Variants in SZRD1 observed in about 807,000 individuals in gnomAD.
The protein encoded by SZRD1 is SUZ RNA binding domain containing 1.
In SZRD1, 7 loss-of-function variants were observed where a neutral mutation model predicts 17.6. The ratio of observed to expected loss-of-function variants is 0.40; its 90% confidence interval spans 0.23 to 0.75. SZRD1 has a LOEUF of 0.75. Among genes scored for constraint, SZRD1 ranks in the 30% least tolerant of loss-of-function variants. SZRD1 has a pLI of 0.38. For synonymous variants in SZRD1, 77 were observed against 77.9 expected (o/e 0.99, Z 0.06); for missense variants, 178 against 201.8 (o/e 0.88, Z 0.71).
intron 1 of SZRD1, among the ~76,000 whole-genome samples, chr1:16,377,114 G>A (rs2083016950): frequency 6.6e-6 from 1 of 152,054 alleles, no homozygotes; most frequent in African/African-American, 2.4e-5. Context: ...TAGCCATTTG[G>A]GCTTGGAGGC....
chr1:16,395,416 G>A lies in SZRD1; in HGVS notation c.*276G>A. On this transcript the variant is annotated 3_prime_UTR_variant, in exon 4 of 4. Transcript: ENST00000401088. The stretch of plus-strand genomic sequence containing the variant: ...GTGGGGGTTAGGGGAAGGTTGGGGG[G>A]ACCCAGCAAGGACTCAGAGAGTCAG... 4.4e-6 allele frequency: 2 copies of A among 456,550 alleles called. No individual in the cohort carries two copies. Among genetic ancestry groups the A allele is most frequent in the Non-Finnish European group, 8.1e-6 (2 of 246,170 alleles). 28.3% of individuals were successfully genotyped at this position (456,550 alleles called of 1,614,324 possible).
intron 1 of SZRD1, among the ~76,000 whole-genome samples, chr1:16,388,025 T>C (rs1400722654): frequency 1.3e-5 from 2 of 152,204 alleles, no homozygotes; most frequent in African/African-American, 4.8e-5. Context: ...TGGCACCAAC[T>C]GTGTTCCAAG....
chr1:16,395,195 C>T lies in SZRD1; in HGVS notation c.*55C>T, dbSNP rs746487796. 8.2e-5 allele frequency: 107 copies of T among 1,308,368 alleles called. No homozygotes were observed. The highest frequency in any genetic ancestry group is 1.1e-4 in the Non-Finnish European group (101 of 903,942). The allele number at this position is 1,308,368 out of a possible 1,614,324, so 81.0% of individuals were successfully genotyped here. On this transcript the variant is annotated 3_prime_UTR_variant, in exon 4 of 4. Coordinates refer to ENST00000401088, the MANE Select transcript of SZRD1 (RefSeq NM_001114600.3). ...TGCCGTCACCGCCTCCTGGGTCGTC[C>T]GCCACGGGTTGCACTGCCGTGGCAG...
rs1327916950 is a variant in SZRD1 at position 16,391,436 on chromosome 1, G to A, written c.101+12G>A. ...ACACAAAAAGAGAGGTAAGGCTGCTGTCTGGTCTGAGGGCTCATGCTCTCT... is the reference window on the plus strand; with the variant it reads ...ACACAAAAAGAGAGGTAAGGCTGCTATCTGGTCTGAGGGCTCATGCTCTCT... On this transcript the variant is annotated intron_variant, in intron 2 of 3. Coordinates refer to ENST00000401088, the MANE Select transcript of SZRD1 (RefSeq NM_001114600.3). This position sits in a 1 kb window ranked among gnomAD's most constrained non-coding sequence, Gnocchi z 4.3. 6.5e-7 allele frequency: 1 copy of A among 1,548,206 alleles called. No homozygotes were observed. Among genetic ancestry groups the A allele is most frequent in the East Asian group, 2.4e-5 (1 of 40,894 alleles).
intron 1 of SZRD1, among the ~76,000 whole-genome samples, chr1:16,373,823 G>A (rs537600901): frequency 1.3e-5 from 2 of 152,010 alleles, no homozygotes; most frequent in Non-Finnish European, 2.9e-5. Context: ...TGTTGGTCTC[G>A]AATGCCTGAA....
At chr1:16,375,089 G>C (rs2082977154) in intron 1 of SZRD1, among the ~76,000 whole-genome samples, 1 of 151,984 alleles carries the variant, frequency 6.6e-6, no homozygotes, top group South Asian at 2.1e-4. Flanking sequence ...TGTTGGCTAG[G>C]CCGGTCTCAA....
intron 1 of SZRD1, among the ~76,000 whole-genome samples, chr1:16,370,269 A>G (rs1324136102): frequency 6.7e-6 from 1 of 149,486 alleles, no homozygotes; most frequent in East Asian, 2.0e-4. Context: ...TCCATTGCCC[A>G]GGCTGGAGTG....
intron 1 of SZRD1, among the ~76,000 whole-genome samples, chr1:16,388,678 C>CTTTTTTTTT (rs950662267): frequency 1.1e-5 from 1 of 92,164 alleles, no homozygotes; most frequent in Non-Finnish European, 2.1e-5. Flanking sequence ...AAGAATAAGT[C>CTTTTTTTTT]TTTTTTTTTT....
intron 1 of SZRD1, among the ~76,000 whole-genome samples, chr1:16,371,786 C>G (rs2082919809): frequency 6.6e-6 from 1 of 152,062 alleles, no homozygotes; most frequent in African/African-American, 2.4e-5. Flanking sequence ...AAGGGTCTTG[C>G]TCTGTTGCCA....
rs1007766214 is a variant in SZRD1 at position 16,398,040 on chromosome 1, T to C, written c.*2900T>C. ...CCCCTGCAGTCTTACTCTGCTGGTG[T>C]AGCGGGCAGCTGCCCACTCCCACCC... On this transcript the variant is annotated 3_prime_UTR_variant, in exon 4 of 4. Coordinates refer to ENST00000401088, the MANE Select transcript of SZRD1 (RefSeq NM_001114600.3). 3.8e-5 allele frequency: 34 copies of C among 893,062 alleles called. No individual in the cohort carries two copies. The African/African-American group carries it at 6.0e-4, about 16-fold the overall frequency. The allele number at this position is 893,062 out of a possible 1,614,324, so 55.3% of individuals were successfully genotyped here.
At chr1:16,367,344 C>T in intron 1 of SZRD1, 36 bp downstream of exon 1, 1 of 1,537,346 alleles carries the variant, frequency 6.5e-7, no homozygotes, top group Non-Finnish European at 8.8e-7. Flanking sequence ...CAGGGCCGGG[C>T]GAGACCTGGC....
rs561361121 is a variant in SZRD1 at position 16,392,855 on chromosome 1, A to G, written c.102-373A>G. On this transcript the variant is annotated intron_variant, in intron 2 of 3. Transcript: ENST00000401088. ...GCCAGTCCTACTCTGATCTGCGTAG[A>G]GAAGCTGGGATCTTAACTGACGTCA... 2.6e-5 allele frequency among the ~76,000 whole-genome samples: 4 copies of G among 152,328 alleles called. No individual in the cohort carries two copies. In the South Asian group the frequency reaches 8.3e-4, roughly 32 times the overall value.
chr1:16,369,097 G>A (rs2082868654), intron 1 of SZRD1: 1 of 344,004 alleles, frequency 2.9e-6, no homozygotes, highest in Non-Finnish European at 5.2e-6. Context: ...TTTTTCTTTT[G>A]GTTCCCAAGT....
chr1:16,382,851 A>G (rs754087754), intron 1 of SZRD1, among the ~76,000 whole-genome samples: 1 of 151,468 alleles, frequency 6.6e-6, no homozygotes, highest in Non-Finnish European at 1.5e-5. Flanking sequence ...AGAAGGTACA[A>G]TGTGAGCCAC....
At chr1:16,383,886 G>A (rs951735899) in intron 1 of SZRD1, among the ~76,000 whole-genome samples, 1 of 152,080 alleles carries the variant, frequency 6.6e-6, no homozygotes, top group African/African-American at 2.4e-5. Context: ...TCAAAGTGCT[G>A]GGATTACAGG....
intron 2 of SZRD1, among the ~76,000 whole-genome samples, chr1:16,392,607 T>C (rs371275587): frequency 6.6e-6 from 1 of 152,206 alleles, no homozygotes; most frequent in Non-Finnish European, 1.5e-5. Context: ...CAAGGGAGGT[T>C]TCTCTGTTCA....
chr1:16,380,096 A>T (rs1239920888), intron 1 of SZRD1, among the ~76,000 whole-genome samples: 1 of 152,184 alleles, frequency 6.6e-6, no homozygotes, highest in African/African-American at 2.4e-5. Context: ...AATAAACAGT[A>T]AGTGTTTTAT....
At chr1:16,380,028 T>TG (rs1484636631) in intron 1 of SZRD1, among the ~76,000 whole-genome samples, 1 of 152,182 alleles carries the variant, frequency 6.6e-6, no homozygotes, top group African/African-American at 2.4e-5. Flanking sequence ...ATTGGACAAA[T>TG]GCAGTGAATG....
rs955536579 is a variant in SZRD1, at chr1:16,369,559, T to G, written c.51+2251T>G. 12 of 701,908 alleles carry G rather than the reference T, an allele frequency of 1.7e-5. No homozygotes were observed. In the African/African-American group the frequency reaches 1.8e-4, roughly 10 times the overall value. The allele number at this position is 701,908 out of a possible 1,614,324, so 43.5% of individuals were successfully genotyped here. ...AGCAGCGGAGGCAGAAAGCCAGAGT[T>G]CTTTCTGCTATCCCTTACTTTAGTA... is the stretch of plus-strand genomic sequence containing the variant. On this transcript the variant is annotated intron_variant, in intron 1 of 3. Coordinates refer to ENST00000401088, the MANE Select transcript of SZRD1 (RefSeq NM_001114600.3).
Sources: allele counts gnomAD v4.1 joint callset (sites outside exome capture counted in the v4.1 genomes callset), GRCh38; gene constraint gnomAD v4.1.1; non-coding constraint Gnocchi (gnomAD v3.1); transcripts MANE v1.5; gene names NCBI Gene and HGNC (gene_info 2026-07-23, HGNC 2026-07-21).